LOXL3: variants seen among roughly 807,000 people sequenced by gnomAD.
LOXL3 encodes the protein lysyl oxidase homolog 3.
LOXL3 carries 60 observed loss-of-function variants against 91.8 expected under a neutral mutation model. The ratio of observed to expected loss-of-function variants is 0.65; its 90% confidence interval spans 0.53 to 0.81. LOXL3 has a LOEUF of 0.81. LOXL3 is among the 30% of genes least tolerant of loss of function. The probability of loss-of-function intolerance (pLI) is 0.00; values close to 1 mark genes in which losing one functional copy is unlikely to be tolerated. For synonymous variants in LOXL3, 355 were observed against 387.6 expected (o/e 0.92, Z 0.99); for missense variants, 874 against 1,000.4 (o/e 0.87, Z 1.70).
intron 4 of LOXL3, among the ~76,000 whole-genome samples, chr2:74,543,789 T>A (rs1344456478): frequency 6.7e-6 from 1 of 149,586 alleles, no homozygotes; most frequent in African/African-American, 2.5e-5. Context: ...TAATCCCAGC[T>A]ACTCGAGAGG....
chr2:74,548,626 C>A (rs1280405766), intron 4 of LOXL3, among the ~76,000 whole-genome samples: 2 of 152,118 alleles, frequency 1.3e-5, no homozygotes, highest in African/African-American at 4.8e-5. Flanking sequence ...GTAAAGATTT[C>A]CAAATAAATG....
At chr2:74,539,493 AG>A (rs1160987019) in intron 4 of LOXL3, among the ~76,000 whole-genome samples, 1 of 152,044 alleles carries the variant, frequency 6.6e-6, no homozygotes, top group Non-Finnish European at 1.5e-5. Context: ...GAGGTGATGG[AG>A]GGGGCAGGAA....
chr2:74,533,709 G>GC, intron 13 of LOXL3, 30 bp from the exon 14 acceptor site: 1 of 1,602,158 alleles, frequency 6.2e-7, no homozygotes, highest in Non-Finnish European at 8.6e-7. Context: ...TTTGGGAGGC[G>GC]CCCTGCACAG....
At chr2:74,550,983 A>C (rs1676971221) in intron 2 of LOXL3, among the ~76,000 whole-genome samples, 1 of 151,566 alleles carries the variant, frequency 6.6e-6, no homozygotes, top group South Asian at 2.1e-4. Flanking sequence ...CCTAGGCTGA[A>C]ATGCAGTGGC....
intron 4 of LOXL3, among the ~76,000 whole-genome samples, chr2:74,537,234 C>G (rs890875162): frequency 6.6e-5 from 10 of 151,536 alleles, no homozygotes; most frequent in Non-Finnish European, 1.3e-4. Context: ...TTTCAGGCTG[C>G]TGGCCCTAAA....
chr2:74,543,154 C>A (rs1676414291), intron 4 of LOXL3, among the ~76,000 whole-genome samples: 1 of 152,186 alleles, frequency 6.6e-6, no homozygotes, highest in Non-Finnish European at 1.5e-5. Flanking sequence ...CCCCAGGGAG[C>A]AGGGCTGACT....
rs200529711 is a variant in LOXL3 at position 74,533,663 on chromosome 2, T to G, written c.2205A>C (p.Glu735Asp). Residue 735 changes from glutamate to aspartate, a missense_variant, in exon 14 of 14, where the codon GAA (glutamate) becomes GAC (aspartate). Physicochemically the swap from Glu to Asp is conservative, Grantham distance 45. Transcript: ENST00000264094. Reference sequence around the variant, plus strand: ...AGCGTTCAAACCTCCTGTTGGCCTCTTCACTGAAGGCATCACCTGCAGAGT... The same window carrying G: ...AGCGTTCAAACCTCCTGTTGGCCTCGTCACTGAAGGCATCACCTGCAGAGT... The part of the protein sequence containing the change: ...HNCHIGDAFS[E>D]EANRRFERYP... The G allele has an allele frequency of 5.6e-6, 9 of 1,614,054 alleles. No homozygotes were observed. The African/African-American group carries it at 8.0e-5, about 14-fold the overall frequency.
At position 74,533,322 on chromosome 2, in the gene LOXL3, T is replaced by C; in HGVS notation, c.*284A>G. 1 of 531,292 alleles carries C rather than the reference T, an allele frequency of 1.9e-6. No homozygotes were observed. The highest frequency in any genetic ancestry group is 3.3e-5 in the East Asian group (1 of 30,034). 32.9% of individuals were successfully genotyped at this position (531,292 alleles called of 1,614,324 possible). The stretch of plus-strand genomic sequence containing the variant: ...TTAAAGAAAATGAGCTGCTGCCATC[T>C]TTTGTGGGCAGTTAGTCAGGTGCTG... On this transcript the variant is annotated 3_prime_UTR_variant, in exon 14 of 14. Transcript: ENST00000264094.
Position 74,550,358 on chromosome 2 carries a change from G to C in LOXL3, c.314-10C>G. On this transcript the variant is annotated splice_polypyrimidine_tract_variant and intron_variant, in intron 2 of 13. Transcript: ENST00000264094. ...TCCAGCCAGATGCGGCCTGTGGAAG[G>C]GGAGATGAAGGGACAGAGAAGCTTG... 6.2e-7 allele frequency: 1 copy of C among 1,611,524 alleles called. No individual in the cohort carries two copies. Among genetic ancestry groups the C allele is most frequent in the Non-Finnish European group, 8.5e-7 (1 of 1,178,570 alleles).
chr2:74,544,825 T>C lies in LOXL3; in HGVS notation c.692+4544A>G, dbSNP rs181800472. Among the ~76,000 whole-genome samples the C allele has an allele frequency of 4.6e-5, 7 of 152,316 alleles. No homozygotes were observed. In the East Asian group the frequency reaches 1.3e-3, roughly 29 times the overall value. On this transcript the variant is annotated intron_variant, in intron 4 of 13. Transcript: ENST00000264094. ...TGCCTATCTTTCATAATTGTAATAA[T>C]TGTATCACCTGTGAGAATGCTCCCT...
chr2:74,537,090 G>A (rs1177388412), intron 4 of LOXL3, among the ~76,000 whole-genome samples, 162 bp from the exon 5 acceptor site: 1 of 152,210 alleles, frequency 6.6e-6, no homozygotes, highest in Non-Finnish European at 1.5e-5. Flanking sequence ...AGATACATGG[G>A]GATTGCTGAG....
At chr2:74,546,306 A>G (rs569185617) in intron 4 of LOXL3, among the ~76,000 whole-genome samples, 1 of 152,204 alleles carries the variant, frequency 6.6e-6, no homozygotes, top group African/African-American at 2.4e-5. Flanking sequence ...GTAGTACTGA[A>G]AAAAAAATGG....
chr2:74,554,864 G>C (rs200278469), upstream of LOXL3: 7 of 1,608,298 alleles, frequency 4.4e-6, no homozygotes, highest in East Asian at 2.2e-5. The surrounding 1 kb of genome is among the most constrained non-coding windows in gnomAD (Gnocchi z 4.9). Context: ...TAGTGGGTGA[G>C]AGAGCCCAGA....
upstream of LOXL3, chr2:74,554,747 C>A: frequency 6.2e-7 from 1 of 1,611,542 alleles, no homozygotes; most frequent in African/African-American, 1.3e-5. This position sits in a 1 kb window ranked among gnomAD's most constrained non-coding sequence, Gnocchi z 4.9. Flanking sequence ...AAGGAACCGC[C>A]GGGGGCCATG....
Position 74,536,961 on chromosome 2 carries a change from A to G in LOXL3, c.693-33T>C, listed in dbSNP as rs754264446. The G allele has an allele frequency of 4.5e-6, 7 of 1,571,302 alleles. No individual in the cohort carries two copies. The Admixed American group carries it at 1.2e-4, about 26-fold the overall frequency. On this transcript the variant is annotated intron_variant, in intron 4 of 13. Coordinates refer to ENST00000264094, the MANE Select transcript of LOXL3 (RefSeq NM_032603.5). This position sits in a 1 kb window ranked among gnomAD's most constrained non-coding sequence, Gnocchi z 4.5. ...GACAGGAGTGAGGTGCAGTAGGGTA[A>G]AACAATGCTCCTGCCTCTTGGCCCC...
intron 4 of LOXL3, among the ~76,000 whole-genome samples, chr2:74,544,338 C>T (rs747949799): frequency 2.0e-5 from 3 of 152,122 alleles, no homozygotes; most frequent in Non-Finnish European, 4.4e-5. Flanking sequence ...ACAAACAATC[C>T]AAACATCAAA....
chr2:74,541,825 T>C (rs1676338319), intron 4 of LOXL3, among the ~76,000 whole-genome samples: 1 of 150,412 alleles, frequency 6.6e-6, no homozygotes. Flanking sequence ...TATAAAAGAG[T>C]TTAGACCCTT....
Position 74,534,575 on chromosome 2 carries a change from C to T in LOXL3, c.1779G>A (p.Arg593=), listed in dbSNP as rs773741483. The change falls in exon 10 of 14, where the codon AGG becomes AGA. Residue 593 remains arginine (R), a synonymous_variant. Transcript: ENST00000264094. ...QIHNLGRADF[R]PKAGRHSWVW... is the part of the protein sequence containing the mutation. ...CCCAGGAGTGGCGCCCAGCCTTGGG[C>T]CTGAAGTCAGCTCGTCCCAGGTTGT... 5.0e-6 allele frequency: 8 copies of T among 1,614,216 alleles called. No homozygotes were observed.
In LOXL3 at chr2:74,533,633, A is replaced by G. The variant is rs940776370; in HGVS notation, c.2235T>C (p.Pro745=). Residue 745 remains proline, a synonymous_variant, in exon 14 of 14, where the codon CCT becomes CCC. Coordinates refer to ENST00000264094, the MANE Select transcript of LOXL3 (RefSeq NM_032603.5). ...EEANRRFERY[P]GQTSNQII The stretch of plus-strand genomic sequence containing the variant: ...AGATAATCTGGTTGCTGGTCTGGCC[A>G]GGGTAGCGTTCAAACCTCCTGTTGG... The G allele has an allele frequency of 1.9e-6, 3 of 1,614,080 alleles. No homozygotes were observed. Among genetic ancestry groups the G allele is most frequent in the African/African-American group, 1.3e-5 (1 of 75,012 alleles).
Sources: allele counts gnomAD v4.1 joint callset (sites outside exome capture counted in the v4.1 genomes callset), GRCh38; gene constraint gnomAD v4.1.1; non-coding constraint Gnocchi (gnomAD v3.1); transcripts MANE v1.5; gene names NCBI Gene and HGNC (gene_info 2026-07-23, HGNC 2026-07-21).